AGPAT4: variants seen among roughly 807,000 people sequenced by gnomAD.
The protein encoded by AGPAT4 is 1-acyl-sn-glycerol-3-phosphate acyltransferase delta.
Under a neutral mutation model 48.0 loss-of-function variants are expected in AGPAT4, and 15 were observed. That is an observed-to-expected ratio of 0.31 (90% CI 0.21 to 0.48). The LOEUF (loss-of-function observed/expected upper bound fraction) is 0.48, where lower values mean the gene tolerates loss of function less well. Ranked by LOEUF, AGPAT4 falls within the 20% of genes least tolerant of loss-of-function variation. The probability of loss-of-function intolerance (pLI) is 0.99; values close to 1 mark genes in which losing one functional copy is unlikely to be tolerated. For synonymous variants in AGPAT4, 178 were observed against 198.7 expected (o/e 0.90, Z 0.88); for missense variants, 314 against 482.5 (o/e 0.65, Z 3.27).
In AGPAT4 at chr6:161,149,039, A is replaced by T; in HGVS notation, c.767+148T>A. The stretch of plus-strand genomic sequence containing the variant: ...GGAGACTTCAGCAGATCATTCCAAT[A>T]GTAGGATGTGTCAAATTCAATGCAA... On this transcript the variant is annotated intron_variant, in intron 6 of 8. Transcript: ENST00000320285. The surrounding 1 kb of genome is among the most constrained non-coding windows in gnomAD (Gnocchi z 6.5). 9.1e-7 allele frequency: 1 copy of T among 1,095,614 alleles called. No homozygotes were observed. Among genetic ancestry groups the T allele is most frequent in the Non-Finnish European group, 1.3e-6 (1 of 796,422 alleles). 67.9% of individuals were successfully genotyped at this position (1,095,614 alleles called of 1,614,324 possible).
rs1389346332 is a variant in AGPAT4, at chr6:161,243,372, C to T, written c.-89-11070G>A. Among the ~76,000 whole-genome samples, 1 of 152,162 alleles carries T rather than the reference C, an allele frequency of 6.6e-6. No homozygotes were observed. The highest frequency in any genetic ancestry group is 1.9e-4 in the East Asian group (1 of 5,176). On this transcript the variant is annotated intron_variant, in intron 1 of 8. Transcript: ENST00000320285. This position sits in a 1 kb window ranked among gnomAD's most constrained non-coding sequence, Gnocchi z 4.8. ...AACAAAAAGAGAGAGCTTTATTCAG[C>T]ACCTAAACCACCTCCCACTCTACCC...
chr6:161,172,886 A>ATTC (rs2114985720), intron 2 of AGPAT4, among the ~76,000 whole-genome samples: 2 of 151,614 alleles, frequency 1.3e-5, no homozygotes, highest in Admixed American at 1.3e-4. Flanking sequence ...GAGTGAGAAC[A>ATTC]TGCAGTGTTT....
At position 161,148,131 on chromosome 6, in the gene AGPAT4, C is replaced by T. The variant is rs1779486130; in HGVS notation, c.767+1056G>A. Among the ~76,000 whole-genome samples, 1 of 152,168 alleles carries T rather than the reference C, an allele frequency of 6.6e-6. No homozygotes were observed. The highest frequency in any genetic ancestry group is 6.5e-5 in the Admixed American group (1 of 15,282). On this transcript the variant is annotated intron_variant, in intron 6 of 8. Transcript: ENST00000320285. This position sits in a 1 kb window ranked among gnomAD's most constrained non-coding sequence, Gnocchi z 5.5. The stretch of plus-strand genomic sequence containing the variant: ...ATTGAGTGGAGCTCCTGCCAGCTGT[C>T]AGAGAACATGGGGAATAAAACCTCA...
At position 161,216,755 on chromosome 6, in the gene AGPAT4, C is replaced by CG. The variant is rs1781657507; in HGVS notation, c.178+15280dup. On this transcript the variant is annotated intron_variant, in intron 2 of 8. Coordinates refer to ENST00000320285, the MANE Select transcript of AGPAT4 (RefSeq NM_020133.3). This position sits in a 1 kb window ranked among gnomAD's most constrained non-coding sequence, Gnocchi z 4.8. ...AGAGAAAATGAGAAAGAAGCAAAAG[C>CG]GGAGACCCCTGATAAACCCATCAGA... is the stretch of plus-strand genomic sequence containing the variant. Among the ~76,000 whole-genome samples, 1 of 152,176 alleles carries CG rather than the reference C, an allele frequency of 6.6e-6. No individual in the cohort carries two copies. Among genetic ancestry groups the CG allele is most frequent in the African/African-American group, 2.4e-5 (1 of 41,438 alleles).
At position 161,198,778 on chromosome 6, in the gene AGPAT4, G is replaced by A. The variant is rs7769321; in HGVS notation, c.179-32361C>T. Reference sequence around the variant, plus strand: ...TTTTTCCTTTACACTGACGGAGTGCGTGAATGTTAACAGGGAAACTGACCT... The same window carrying A: ...TTTTTCCTTTACACTGACGGAGTGCATGAATGTTAACAGGGAAACTGACCT... On this transcript the variant is annotated intron_variant, in intron 2 of 8. Coordinates refer to ENST00000320285, the MANE Select transcript of AGPAT4 (RefSeq NM_020133.3). The surrounding 1 kb of genome is among the most constrained non-coding windows in gnomAD (Gnocchi z 4.3). Among the ~76,000 whole-genome samples, 135,964 of 152,278 alleles carry A rather than the reference G, an allele frequency of 0.89. 60,861 individuals carry two copies. The highest frequency in any genetic ancestry group is 0.97 in the African/African-American group (40,131 of 41,560).
rs1212841829 is a variant in AGPAT4 at position 161,200,511 on chromosome 6, G to A, written c.178+31525C>T. Among the ~76,000 whole-genome samples, 1 of 152,180 alleles carries A rather than the reference G, an allele frequency of 6.6e-6. No individual in the cohort carries two copies. The highest frequency in any genetic ancestry group is 6.5e-5 in the Admixed American group (1 of 15,284). The stretch of plus-strand genomic sequence containing the variant: ...CATTTCCACCCAGTATCTAATCATA[G>A]TTGGTCTGGACAAGGGGAAAAACAG... On this transcript the variant is annotated intron_variant, in intron 2 of 8. Transcript: ENST00000320285. The surrounding 1 kb of genome is among the most constrained non-coding windows in gnomAD (Gnocchi z 5.5).
rs964250040 is a variant in AGPAT4 at position 161,147,975 on chromosome 6, G to A, written c.767+1212C>T. ...GGGGTCAAGAGGGTGATCTGGCTTC[G>A]GTGAGTGAACGTGCCAGTACCATTT... is the stretch of plus-strand genomic sequence containing the variant. On this transcript the variant is annotated intron_variant, in intron 6 of 8. Coordinates refer to ENST00000320285, the MANE Select transcript of AGPAT4 (RefSeq NM_020133.3). This position sits in a 1 kb window ranked among gnomAD's most constrained non-coding sequence, Gnocchi z 4.8. Among the ~76,000 whole-genome samples the A allele has an allele frequency of 2.0e-5, 3 of 152,244 alleles. No homozygotes were observed. The highest frequency in any genetic ancestry group is 6.5e-5 in the Admixed American group (1 of 15,298).
At chr6:161,150,887 G>A (rs576005527) in intron 5 of AGPAT4, among the ~76,000 whole-genome samples, 37 of 152,336 alleles carry the variant, frequency 2.4e-4, no homozygotes, top group African/African-American at 7.5e-4. Flanking sequence ...CAGAGCTCAC[G>A]TAGTTCAGCG....
At position 161,264,742 on chromosome 6, in the gene AGPAT4, G is replaced by A. The variant is rs61459748; in HGVS notation, c.-90+9196C>T. Reference sequence around the variant, plus strand: ...AAAGGGGATTCTGGAGTTGGGTGGGGAGTTGGAATAACTGACCCCACTTCT... The same window carrying A: ...AAAGGGGATTCTGGAGTTGGGTGGGAAGTTGGAATAACTGACCCCACTTCT... On this transcript the variant is annotated intron_variant, in intron 1 of 8. Transcript: ENST00000320285. This position sits in a 1 kb window ranked among gnomAD's most constrained non-coding sequence, Gnocchi z 6.8. Among the ~76,000 whole-genome samples, 7,538 of 152,232 alleles carry A rather than the reference G, an allele frequency of 0.05. 587 individuals carry two copies. The highest frequency in any genetic ancestry group is 0.17 in the African/African-American group (7,099 of 41,520).
At position 161,221,114 on chromosome 6, in the gene AGPAT4, C is replaced by T. The variant is rs960879594; in HGVS notation, c.178+10922G>A. Among the ~76,000 whole-genome samples, 3 of 152,092 alleles carry T rather than the reference C, an allele frequency of 2.0e-5. No homozygotes were observed. Among genetic ancestry groups the T allele is most frequent in the East Asian group, 1.9e-4 (1 of 5,172 alleles). On this transcript the variant is annotated intron_variant, in intron 2 of 8. Coordinates refer to ENST00000320285, the MANE Select transcript of AGPAT4 (RefSeq NM_020133.3). The surrounding 1 kb of genome is among the most constrained non-coding windows in gnomAD (Gnocchi z 4.5). ...AGCATATTTAAACAGATGACACAAA[C>T]GCTGGATGAACATGGTGAGCAAGGA...
Position 161,142,642 on chromosome 6 carries a change from GA to G in AGPAT4, c.844-3023del, listed in dbSNP as rs748562134. The stretch of plus-strand genomic sequence containing the variant: ...TCAGCTTTCCCAGGGCCCAGGAGAA[GA>G]AAGAAGGGAGAAAAGAACGGGAGGA... On this transcript the variant is annotated intron_variant, in intron 7 of 8. Coordinates refer to ENST00000320285, the MANE Select transcript of AGPAT4 (RefSeq NM_020133.3). The surrounding 1 kb of genome is among the most constrained non-coding windows in gnomAD (Gnocchi z 6.4). Among the ~76,000 whole-genome samples the G allele has an allele frequency of 6.6e-6, 1 of 152,170 alleles. No individual in the cohort carries two copies. The highest frequency in any genetic ancestry group is 1.5e-5 in the Non-Finnish European group (1 of 68,040).
intron 2 of AGPAT4, among the ~76,000 whole-genome samples, chr6:161,175,917 G>C (rs907619361): frequency 6.6e-6 from 1 of 152,216 alleles, no homozygotes; most frequent in Non-Finnish European, 1.5e-5. Flanking sequence ...TCAGGAGCCA[G>C]TTGTTCAGTT....
At chr6:161,179,933 G>A (rs2114991545) in intron 2 of AGPAT4, among the ~76,000 whole-genome samples, 1 of 152,312 alleles carries the variant, frequency 6.6e-6, no homozygotes. Flanking sequence ...AAAGTTACAT[G>A]TGGCTATTTG....
chr6:161,257,958 G>A (rs909883154), intron 1 of AGPAT4, among the ~76,000 whole-genome samples: 12 of 152,062 alleles, frequency 7.9e-5, no homozygotes, highest in African/African-American at 2.7e-4. Flanking sequence ...ACCCAGTAAC[G>A]GTACCAATGA....
At chr6:161,191,143 GGTTTACAAACA>G (rs1780912953) in intron 2 of AGPAT4, among the ~76,000 whole-genome samples, 1 of 152,102 alleles carries the variant, frequency 6.6e-6, no homozygotes, top group South Asian at 2.1e-4. Flanking sequence ...AGTGACAAAT[GGTTTACAAACA>G]TTATCTATGT....
At position 161,268,090 on chromosome 6, in the gene AGPAT4, T is replaced by C. The variant is rs987920893; in HGVS notation, c.-90+5848A>G. 2.6e-5 allele frequency among the ~76,000 whole-genome samples: 4 copies of C among 152,290 alleles called. No individual in the cohort carries two copies. In the South Asian group the frequency reaches 8.3e-4, roughly 32 times the overall value. ...TAGCTGAGCTGCTTAATCTCCCTCA[T>C]CTTTACTTTCTCTCTCTGTAAAATG... On this transcript the variant is annotated intron_variant, in intron 1 of 8. Coordinates refer to ENST00000320285, the MANE Select transcript of AGPAT4 (RefSeq NM_020133.3).
At chr6:161,182,228 C>A (rs1366418242) in intron 2 of AGPAT4, among the ~76,000 whole-genome samples, 5 of 144,110 alleles carry the variant, frequency 3.5e-5, no homozygotes, top group Middle Eastern at 7.6e-3. Flanking sequence ...CTCACCCTAT[C>A]CCCTCATCCC....
Position 161,206,559 on chromosome 6 carries a change from A to G in AGPAT4, c.178+25477T>C, listed in dbSNP as rs1361040808. On this transcript the variant is annotated intron_variant, in intron 2 of 8. Transcript: ENST00000320285. The surrounding 1 kb of genome is among the most constrained non-coding windows in gnomAD (Gnocchi z 4.8). ...ACCCAGTGACACAGTATCAGAGAAAATCTGTTAAAACAAGTTTAAGTAAGA... is the reference window on the plus strand; with the variant it reads ...ACCCAGTGACACAGTATCAGAGAAAGTCTGTTAAAACAAGTTTAAGTAAGA... 1.3e-5 allele frequency among the ~76,000 whole-genome samples: 2 copies of G among 152,172 alleles called. No homozygotes were observed. Among genetic ancestry groups the G allele is most frequent in the African/African-American group, 4.8e-5 (2 of 41,446 alleles).
chr6:161,193,114 C>G (rs143726121), intron 2 of AGPAT4, among the ~76,000 whole-genome samples: 1 of 152,300 alleles, frequency 6.6e-6, no homozygotes, highest in Non-Finnish European at 1.5e-5. Context: ...CAAATACTGT[C>G]TCTTTCTTCC....
Sources: gnomAD v4.1 joint callset for allele counts (sites outside exome capture counted in the v4.1 genomes callset) on GRCh38, gnomAD v4.1.1 for gene constraint, Gnocchi (gnomAD v3.1) non-coding constraint, MANE v1.5 for transcripts, NCBI Gene and HGNC (gene_info 2026-07-23, HGNC 2026-07-21) for gene names.